Variants in TMEM154 observed in about 807,000 individuals in gnomAD.
The protein encoded by TMEM154 is transmembrane protein 154.
A neutral mutation model predicts 24.5 loss-of-function variants in TMEM154; 27 were observed. That is an observed-to-expected ratio of 1.10 (90% CI 0.81 to 1.52). The LOEUF is 1.52. TMEM154 is among the 40% of genes most tolerant of loss of function. TMEM154 has a pLI of 0.00. For missense variants in TMEM154, 228 were observed against 213.4 expected (o/e 1.07, Z -0.43); for synonymous variants, 67 against 76.8 (o/e 0.87, Z 0.67).
intron 1 of TMEM154, among the ~76,000 whole-genome samples, chr4:152,661,531 G>A (rs1728612969): frequency 6.6e-6 from 1 of 152,028 alleles, no homozygotes; most frequent in African/African-American, 2.4e-5. Flanking sequence ...GTGCAATCCT[G>A]TCATTTATAT....
chr4:152,639,854 T>A (rs938646366), intron 6 of TMEM154: 1 of 152,992 alleles, frequency 6.5e-6, no homozygotes, highest in African/African-American at 2.4e-5. Flanking sequence ...AGGGTGGTGA[T>A]ATTGACCTAA....
chr4:152,645,258 A>C (rs183709174), intron 3 of TMEM154, among the ~76,000 whole-genome samples: 11 of 152,302 alleles, frequency 7.2e-5, no homozygotes, highest in African/African-American at 2.4e-4. Context: ...AGTCAATATC[A>C]GTGGAATAAA....
At chr4:152,647,710 T>C (rs751392547) in intron 3 of TMEM154, among the ~76,000 whole-genome samples, 2 of 152,216 alleles carry the variant, frequency 1.3e-5, no homozygotes, top group Non-Finnish European at 2.9e-5. Flanking sequence ...CTAGTGTGTG[T>C]TGGGCTAGGC....
intron 1 of TMEM154, among the ~76,000 whole-genome samples, chr4:152,673,464 C>G (rs1424992572): frequency 1.3e-5 from 2 of 152,092 alleles, no homozygotes; most frequent in Non-Finnish European, 2.9e-5. Flanking sequence ...CCATGCCCAG[C>G]TAATTTTTGT....
intron 6 of TMEM154, 46 bp downstream of exon 6, chr4:152,640,882 C>A: frequency 7.8e-7 from 1 of 1,286,280 alleles, no homozygotes. Flanking sequence ...CCAATCCCCC[C>A]GCCCCCCGCC....
In TMEM154 at chr4:152,663,100, T is replaced by TG. The variant is rs373163698; in HGVS notation, c.65-10174dup. 4.3e-4 allele frequency among the ~76,000 whole-genome samples: 65 copies of TG among 152,230 alleles called. No homozygotes were observed. The East Asian group carries it at 0.012, about 29-fold the overall frequency. ...CCCATAGTGTTCATATGAAAGTAAATGAAATAAGAACTGTTAAAATGCTTT... is the reference window on the plus strand; with the variant it reads ...CCCATAGTGTTCATATGAAAGTAAATGGAAATAAGAACTGTTAAAATGCTTT... On this transcript the variant is annotated intron_variant, in intron 1 of 6. Transcript: ENST00000304385.
rs930201168 is a variant in TMEM154 at position 152,627,312 on chromosome 4, A to G, written c.*1234T>C. 3 of 152,188 alleles carry G rather than the reference A, an allele frequency of 2.0e-5. No individual in the cohort carries two copies. The highest frequency in any genetic ancestry group is 2.0e-4 in the Admixed American group (3 of 15,280). The allele number at this position is 152,188 out of a possible 1,614,324, so 9.4% of individuals were successfully genotyped here. A position where few individuals can be genotyped will look rare whatever the true frequency, so the allele number is the denominator to read the frequency against. On this transcript the variant is annotated 3_prime_UTR_variant, in exon 7 of 7. Coordinates refer to ENST00000304385, the MANE Select transcript of TMEM154 (RefSeq NM_152680.3). Reference sequence around the variant, plus strand: ...TATATGTGGGTAGTAAAATAAATAAAATTTTCCTTCTTTGTCTCTTTCTTG... The same window carrying G: ...TATATGTGGGTAGTAAAATAAATAAGATTTTCCTTCTTTGTCTCTTTCTTG...
chr4:152,633,455 T>G (rs1383405764), intron 6 of TMEM154, among the ~76,000 whole-genome samples: 1 of 152,288 alleles, frequency 6.6e-6, no homozygotes, highest in Non-Finnish European at 1.5e-5. Context: ...TTTTGGCTAT[T>G]TATTTTCTCT....
intron 1 of TMEM154, among the ~76,000 whole-genome samples, chr4:152,672,092 A>T (rs967716961): frequency 0.14 from 610 of 4,454 alleles, 2 homozygotes; most frequent in Middle Eastern, 0.5. Context: ...TATCTCTATA[A>T]AAAAAAAAAA....
intron 1 of TMEM154, among the ~76,000 whole-genome samples, chr4:152,653,587 A>G (rs1728434086): frequency 6.6e-6 from 1 of 151,010 alleles, no homozygotes; most frequent in African/African-American, 2.4e-5. Flanking sequence ...ACAGGGTTTC[A>G]CCATGTTGGC....
chr4:152,676,749 T>C (rs1404775524), intron 1 of TMEM154, among the ~76,000 whole-genome samples: 1 of 152,248 alleles, frequency 6.6e-6, no homozygotes, highest in African/African-American at 2.4e-5. Context: ...ACATAGCTAG[T>C]ATTTTCTACT....
At chr4:152,640,892 C>CCAAAAAAAGTT in intron 6 of TMEM154, 36 bp downstream of exon 6, 1 of 1,454,088 alleles carries the variant, frequency 6.9e-7, no homozygotes, top group Non-Finnish European at 9.6e-7. Flanking sequence ...CGCCCCCCGC[C>CCAAAAAAAGTT]ATATACATGT....
chr4:152,671,514 G>A (rs921823919), intron 1 of TMEM154, among the ~76,000 whole-genome samples: 4 of 151,612 alleles, frequency 2.6e-5, no homozygotes, highest in Admixed American at 2.0e-4. Context: ...TTGGGAGGCC[G>A]AGGCGGGCAG....
chr4:152,677,579 A>G (rs1033239101), intron 1 of TMEM154, among the ~76,000 whole-genome samples: 1 of 152,216 alleles, frequency 6.6e-6, no homozygotes, highest in East Asian at 1.9e-4. Context: ...TCCATGATGA[A>G]TCATCTCAAA....
chr4:152,654,812 T>G (rs1163584067), intron 1 of TMEM154, among the ~76,000 whole-genome samples: 4 of 152,228 alleles, frequency 2.6e-5, no homozygotes, highest in Admixed American at 2.6e-4. Flanking sequence ...TCTGTTGTTT[T>G]AAGTCTTGCA....
chr4:152,663,067 C>A lies in TMEM154; in HGVS notation c.65-10140G>T, dbSNP rs187908987. On this transcript the variant is annotated intron_variant, in intron 1 of 6. Transcript: ENST00000304385. ...AAGCCAAAAAAGTAGGCCTTCTGCT[C>A]TGTCTAGCCCATAGTGTTCATATGA... Among the ~76,000 whole-genome samples the A allele has an allele frequency of 9.8e-5, 15 of 152,312 alleles. No homozygotes were observed. The East Asian group carries it at 2.5e-3, about 25-fold the overall frequency.
chr4:152,647,140 T>A, intron 3 of TMEM154: 1 of 1,480,542 alleles, frequency 6.8e-7, no homozygotes, highest in East Asian at 2.5e-5. Flanking sequence ...ATTGTCAAAT[T>A]TAAAGACTTA....
At chr4:152,644,277 C>A in intron 4 of TMEM154, 138 bp downstream of exon 4, 1 of 897,088 alleles carries the variant, frequency 1.1e-6, no homozygotes. Flanking sequence ...CCTCAGGCTG[C>A]CAAGGATCTC....
At chr4:152,646,908 G>A (rs1341237141) in intron 3 of TMEM154, 2 of 701,750 alleles carry the variant, frequency 2.9e-6, no homozygotes, top group African/African-American at 1.7e-5. Flanking sequence ...TGTTTAAAGG[G>A]GTAGTTTATC....
Sources: allele counts gnomAD v4.1 joint callset (sites outside exome capture counted in the v4.1 genomes callset), GRCh38; gene constraint gnomAD v4.1.1; transcripts MANE v1.5; gene names NCBI Gene and HGNC (gene_info 2026-07-23, HGNC 2026-07-21).